The following CAMK2D variants were observed in gnomAD, a reference collection of about 807,000 sequenced individuals.
The protein encoded by CAMK2D is calcium/calmodulin-dependent protein kinase type II subunit delta.
Under a neutral mutation model 84.0 loss-of-function variants are expected in CAMK2D, and 37 were observed. The observed-to-expected ratio is 0.44, with a 90% CI of 0.34 to 0.58. CAMK2D has a LOEUF of 0.58. Ranked by LOEUF, CAMK2D falls within the 20% of genes least tolerant of loss-of-function variation. The probability of loss-of-function intolerance (pLI) is 0.02; values close to 1 mark genes in which losing one functional copy is unlikely to be tolerated. For missense variants in CAMK2D, 448 were observed against 652.5 expected, an observed-to-expected ratio of 0.69 and a Z score of 3.41; for synonymous variants, 202 against 212.5, an observed-to-expected ratio of 0.95 and a Z score of 0.43.
At chr4:113,734,874 ACTC>A (rs938019188) in intron 2 of CAMK2D, among the ~76,000 whole-genome samples, 1 of 149,624 alleles carries the variant, frequency 6.7e-6, no homozygotes, top group Non-Finnish European at 1.5e-5. Context: ...AACCAGTTTT[ACTC>A]CTAAGTTTAG....
chr4:113,455,280 T>C (rs1165960774), intron 20 of CAMK2D, among the ~76,000 whole-genome samples: 1 of 152,220 alleles, frequency 6.6e-6, no homozygotes, highest in Non-Finnish European at 1.5e-5. Flanking sequence ...AGTACCATTA[T>C]ACTCAGTCAG....
intron 4 of CAMK2D, among the ~76,000 whole-genome samples, chr4:113,562,244 C>A (rs2098701773): frequency 6.6e-6 from 1 of 152,048 alleles, no homozygotes; most frequent in Non-Finnish European, 1.5e-5. Flanking sequence ...TATTTGACTC[C>A]TTTACAAATT....
intron 4 of CAMK2D, among the ~76,000 whole-genome samples, chr4:113,581,170 T>C (rs2098806490): frequency 6.6e-6 from 1 of 152,106 alleles, no homozygotes; most frequent in Non-Finnish European, 1.5e-5. Flanking sequence ...AATCAATAAT[T>C]GTTATTCTAT....
intron 16 of CAMK2D, among the ~76,000 whole-genome samples, chr4:113,481,446 T>C (rs910939807): frequency 6.6e-6 from 1 of 151,998 alleles, no homozygotes; most frequent in Non-Finnish European, 1.5e-5. Context: ...AACAGGAGAA[T>C]GGGGAGTGCT....
At chr4:113,652,498 A>G (rs1284224088) in intron 3 of CAMK2D, among the ~76,000 whole-genome samples, 1 of 152,182 alleles carries the variant, frequency 6.6e-6, no homozygotes, top group Non-Finnish European at 1.5e-5. Context: ...AAGTGAACAA[A>G]AAGTGTTATC....
chr4:113,608,884 A>C (rs1010411555), intron 4 of CAMK2D, among the ~76,000 whole-genome samples: 19 of 152,220 alleles, frequency 1.2e-4, no homozygotes, highest in Admixed American at 1.2e-3. Flanking sequence ...TAGAATTGAG[A>C]ACCACTCATG....
chr4:113,536,646 A>G (rs1342597583), intron 7 of CAMK2D, among the ~76,000 whole-genome samples: 1 of 152,170 alleles, frequency 6.6e-6, no homozygotes, highest in African/African-American at 2.4e-5. Context: ...TGGCAGAGAG[A>G]GGCATATGAA....
At chr4:113,458,729 A>G (rs1275574045) in intron 18 of CAMK2D, among the ~76,000 whole-genome samples, 1 of 152,228 alleles carries the variant, frequency 6.6e-6, no homozygotes, top group Non-Finnish European at 1.5e-5. Flanking sequence ...TATAAGAAAA[A>G]GTAACTCATC....
chr4:113,491,868 G>C (rs1028932306), intron 16 of CAMK2D, among the ~76,000 whole-genome samples: 4,375 of 152,024 alleles, frequency 0.029, 209 homozygotes, highest in African/African-American at 0.098. Flanking sequence ...GTTTAGTCTT[G>C]GGAGGGTGTA....
At chr4:113,746,422 C>G (rs1479385869) in intron 2 of CAMK2D, among the ~76,000 whole-genome samples, 2 of 152,024 alleles carry the variant, frequency 1.3e-5, no homozygotes, top group African/African-American at 2.4e-5. Context: ...GCCTCAGAGC[C>G]TCTTTATTAT....
intron 16 of CAMK2D, among the ~76,000 whole-genome samples, chr4:113,483,158 G>C (rs181010826): frequency 6.6e-6 from 1 of 152,198 alleles, no homozygotes; most frequent in African/African-American, 2.4e-5. Flanking sequence ...TGCACTAGCA[G>C]ATATAATTTC....
intron 6 of CAMK2D, among the ~76,000 whole-genome samples, chr4:113,539,442 G>A (rs1031513672): frequency 6.6e-6 from 1 of 152,218 alleles, no homozygotes. Context: ...AGCGTAACTG[G>A]TAAATAACCT....
intron 3 of CAMK2D, among the ~76,000 whole-genome samples, chr4:113,610,245 G>A (rs10031394): frequency 0.28 from 41,925 of 151,770 alleles, 6,382 homozygotes; most frequent in East Asian, 0.49. Context: ...AATTCTTCCT[G>A]TGTATCCAAA....
intron 2 of CAMK2D, among the ~76,000 whole-genome samples, chr4:113,712,848 C>T (rs1413627509): frequency 1.3e-5 from 2 of 151,898 alleles, no homozygotes; most frequent in African/African-American, 4.8e-5. Context: ...TTCCTTTCTA[C>T]CTAGGGATAA....
chr4:113,517,813 G>A (rs961498203), intron 8 of CAMK2D, among the ~76,000 whole-genome samples, 156 bp from the exon 9 acceptor site: 17 of 152,206 alleles, frequency 1.1e-4, no homozygotes, highest in Admixed American at 1.0e-3. Flanking sequence ...CTAGTCTAGA[G>A]CAGTCTCTGG....
intron 3 of CAMK2D, among the ~76,000 whole-genome samples, chr4:113,639,513 T>C (rs1355168883): frequency 6.6e-6 from 1 of 151,926 alleles, no homozygotes; most frequent in African/African-American, 2.4e-5. Flanking sequence ...AAGGAAGCCC[T>C]GCACCAGCGC....
chr4:113,737,790 A>G (rs2099584627), intron 2 of CAMK2D, among the ~76,000 whole-genome samples: 1 of 152,124 alleles, frequency 6.6e-6, no homozygotes, highest in African/African-American at 2.4e-5. Flanking sequence ...TTTATCTTTA[A>G]ATATAGCATT....
At chr4:113,603,318 C>T (rs1324959325) in intron 4 of CAMK2D, among the ~76,000 whole-genome samples, 2 of 149,856 alleles carry the variant, frequency 1.3e-5, no homozygotes, top group African/African-American at 2.4e-5. Flanking sequence ...CCCATTAACT[C>T]GTCATTTAGC....
Position 113,454,426 on chromosome 4 carries a change from C to T in CAMK2D, c.*119G>A. 1.3e-6 allele frequency: 1 copy of T among 761,462 alleles called. No individual in the cohort carries two copies. The highest frequency in any genetic ancestry group is 2.4e-6 in the Non-Finnish European group (1 of 408,654). 47.2% of individuals were successfully genotyped at this position (761,462 alleles called of 1,614,324 possible). On this transcript the variant is annotated 3_prime_UTR_variant, in exon 21 of 21. Transcript: ENST00000511664. ...CTTCACAACTTCATGCACTCAGAAA[C>T]ATGCATGAAGAGGAGGAGAGGACGG...
Sources: allele counts gnomAD v4.1 joint callset (sites outside exome capture counted in the v4.1 genomes callset), GRCh38; gene constraint gnomAD v4.1.1; transcripts MANE v1.5; gene names NCBI Gene and HGNC (gene_info 2026-07-23, HGNC 2026-07-21).